Variants in NELL2 observed in about 807,000 individuals in gnomAD.
The protein encoded by NELL2 is neural EGFL like 2.
In NELL2, 41 loss-of-function variants were observed where a neutral mutation model predicts 109.6. The observed-to-expected ratio is 0.37, with a 90% CI of 0.29 to 0.49. The LOEUF is 0.49. NELL2 is among the 20% of genes least tolerant of loss of function. NELL2 has a pLI of 0.98. For missense variants in NELL2, 900 were observed against 1,008.3 expected, an observed-to-expected ratio of 0.89 and a Z score of 1.45; for synonymous variants, 355 against 344.7, an observed-to-expected ratio of 1.03 and a Z score of -0.33.
At chr12:44,509,033 T>C in intron 19 of NELL2, 49 bp from the exon 20 acceptor site, 1 of 1,467,712 alleles carries the variant, frequency 6.8e-7, no homozygotes, top group Non-Finnish European at 9.5e-7. Context: ...TTTTAAGCCA[T>C]TAGTAAATGA....
intron 12 of NELL2, among the ~76,000 whole-genome samples, chr12:44,675,703 C>G (rs996070915): frequency 6.6e-6 from 1 of 151,966 alleles, no homozygotes; most frequent in African/African-American, 2.4e-5. Context: ...GATCACAAAG[C>G]TTTTGTGAGC....
At chr12:44,913,969 T>A (rs557801326), upstream of NELL2, 1 of 355,120 alleles carries the variant, frequency 2.8e-6, no homozygotes, top group Non-Finnish European at 5.3e-6. Context: ...TTCTCTCACA[T>A]CCCACATCCA....
chr12:44,527,659 A>T (rs896595208), intron 16 of NELL2, among the ~76,000 whole-genome samples: 1 of 152,200 alleles, frequency 6.6e-6, no homozygotes, highest in Non-Finnish European at 1.5e-5. Flanking sequence ...CTTCTCTGAG[A>T]TAATCATACT....
At chr12:44,666,501 T>C (rs1196561428) in intron 12 of NELL2, among the ~76,000 whole-genome samples, 2 of 152,194 alleles carry the variant, frequency 1.3e-5, no homozygotes, top group African/African-American at 4.8e-5. Context: ...TTTATACTGT[T>C]AAGAGAAATG....
At chr12:44,595,631 TG>T (rs1944930768) in intron 15 of NELL2, among the ~76,000 whole-genome samples, 1 of 145,002 alleles carries the variant, frequency 6.9e-6, no homozygotes, top group Non-Finnish European at 1.5e-5. Context: ...TTAGTAGAGA[TG>T]AGGTTTCACC....
At position 44,529,937 on chromosome 12, in the gene NELL2, G is replaced by A. The variant is rs544744226; in HGVS notation, c.1804+2644C>T. 2.0e-5 allele frequency among the ~76,000 whole-genome samples: 3 copies of A among 152,260 alleles called. No homozygotes were observed. The East Asian group carries it at 5.8e-4, about 29-fold the overall frequency. ...TGTCAAGGGAAGTTACTTTTTGTTT[G>A]CTTTTGTTTTGTTTTCAAAGATGGC... On this transcript the variant is annotated intron_variant, in intron 16 of 19. Transcript: ENST00000429094.
chr12:44,716,906 C>A (rs1379753770), intron 9 of NELL2, among the ~76,000 whole-genome samples: 3 of 152,022 alleles, frequency 2.0e-5, no homozygotes, highest in Non-Finnish European at 4.4e-5. Flanking sequence ...GATGGGCCTT[C>A]TGTTTGAGAC....
At chr12:44,549,689 AC>A (rs1942950944) in intron 15 of NELL2, among the ~76,000 whole-genome samples, 2 of 152,132 alleles carry the variant, frequency 1.3e-5, no homozygotes, top group African/African-American at 4.8e-5. Context: ...AGAATAAAAT[AC>A]TTTTATTCTT....
At chr12:44,550,501 G>GCA (rs1942997349) in intron 15 of NELL2, among the ~76,000 whole-genome samples, 1 of 149,554 alleles carries the variant, frequency 6.7e-6, no homozygotes, top group Non-Finnish European at 1.5e-5. Flanking sequence ...CTGAGACTAT[G>GCA]CCATTGCACT....
At chr12:44,801,272 T>C (rs1566427649) in intron 3 of NELL2, among the ~76,000 whole-genome samples, 3 of 152,156 alleles carry the variant, frequency 2.0e-5, no homozygotes, top group Non-Finnish European at 4.4e-5. Flanking sequence ...CAGTAGGTCA[T>C]GTGATGCTGC....
At chr12:44,777,213 C>T in intron 6 of NELL2, 29 bp downstream of exon 6, 2 of 1,609,226 alleles carry the variant, frequency 1.2e-6, no homozygotes, top group Non-Finnish European at 1.7e-6. Flanking sequence ...TATATGGGGA[C>T]TCCACAGTGC....
At chr12:44,624,994 GTGTATATATATATATA>G (rs1334103360) in intron 13 of NELL2, among the ~76,000 whole-genome samples, 8,158 of 118,684 alleles carry the variant, frequency 0.069, 834 homozygotes, top group African/African-American at 0.22. Flanking sequence ...ATATATGTGT[GTGTATATATATATATA>G]TATATATATA....
chr12:44,716,561 G>C (rs1287273407), intron 9 of NELL2, among the ~76,000 whole-genome samples: 1 of 151,958 alleles, frequency 6.6e-6, no homozygotes, highest in Non-Finnish European at 1.5e-5. Context: ...TAATTTTTAG[G>C]ATTTTTTTGT....
At chr12:44,687,309 A>T (rs1184391461) in intron 12 of NELL2, among the ~76,000 whole-genome samples, 1 of 151,894 alleles carries the variant, frequency 6.6e-6, no homozygotes, top group African/African-American at 2.4e-5. Flanking sequence ...ACTGTCTGGC[A>T]CTCCCTAGTG....
chr12:44,543,700 T>C (rs1445661619), intron 15 of NELL2, among the ~76,000 whole-genome samples: 1 of 152,184 alleles, frequency 6.6e-6, no homozygotes, highest in Non-Finnish European at 1.5e-5. Flanking sequence ...GCAGAAGCCA[T>C]TATTCCTGGG....
chr12:44,553,293 A>AT (rs562174022), intron 15 of NELL2, among the ~76,000 whole-genome samples: 10 of 151,490 alleles, frequency 6.6e-5, no homozygotes, highest in South Asian at 4.2e-4. Flanking sequence ...AAAGAAAAAA[A>AT]AAAAAATAAG....
At chr12:44,513,945 T>C (rs959439925) in intron 19 of NELL2, among the ~76,000 whole-genome samples, 1 of 85,868 alleles carries the variant, frequency 1.2e-5, no homozygotes, top group African/African-American at 5.3e-5. Context: ...CCAAAGAAAA[T>C]AAAGACCAAA....
intron 12 of NELL2, among the ~76,000 whole-genome samples, chr12:44,692,738 G>T (rs1309599261): frequency 6.6e-6 from 1 of 152,190 alleles, no homozygotes; most frequent in African/African-American, 2.4e-5. Flanking sequence ...GACTTCAGTA[G>T]AGGGAGTAGC....
At position 44,508,914 on chromosome 12, in the gene NELL2, C is replaced by A. The variant is rs374447353; in HGVS notation, c.*20G>T. ...GAAAGAACATTCTTTTAACAGAAAT[C>A]TCCCATGAGACAGTTAACTTCACAG... On this transcript the variant is annotated 3_prime_UTR_variant, in exon 20 of 20. Transcript: ENST00000429094. The A allele has an allele frequency of 1.1e-4, 174 of 1,600,654 alleles. No individual in the cohort carries two copies. The highest frequency in any genetic ancestry group is 1.4e-4 in the Non-Finnish European group (165 of 1,171,662).
Sources: gnomAD v4.1 joint callset for allele counts (sites outside exome capture counted in the v4.1 genomes callset) on GRCh38, gnomAD v4.1.1 for gene constraint, MANE v1.5 for transcripts, NCBI Gene and HGNC (gene_info 2026-07-23, HGNC 2026-07-21) for gene names.